The following SH3BP1 variants were observed in gnomAD, a reference collection of about 807,000 sequenced individuals.
SH3BP1 encodes the protein SH3 domain binding protein 1.
SH3BP1 carries 46 observed loss-of-function variants against 69.8 expected under a neutral mutation model. That is an observed-to-expected ratio of 0.66 (90% confidence interval 0.52 to 0.84). The LOEUF is 0.84. Among genes scored for constraint, SH3BP1 ranks in the 40% least tolerant of loss-of-function variants. The pLI is 0.00. For synonymous variants in SH3BP1, 403 were observed against 378.0 expected (o/e 1.07, Z -0.77); for missense variants, 868 against 930.9 (o/e 0.93, Z 0.88).
At chr22:37,644,293 C>A (rs1032590475) in intron 7 of SH3BP1, among the ~76,000 whole-genome samples, 1 of 152,178 alleles carries the variant, frequency 6.6e-6, no homozygotes, top group East Asian at 1.9e-4. Flanking sequence ...GCAGGAGAAT[C>A]GCTTGAGCCC....
At chr22:37,647,072 T>C in intron 11 of SH3BP1, 143 bp downstream of exon 11, 1 of 733,504 alleles carries the variant, frequency 1.4e-6, no homozygotes, top group Non-Finnish European at 2.2e-6. Context: ...GGGTCCATCA[T>C]GAGCCCCCCG....
Position 37,645,522 on chromosome 22 carries a change from T to G in SH3BP1, c.924+12T>G, listed in dbSNP as rs536125844. 1.9e-6 allele frequency: 3 copies of G among 1,600,308 alleles called. No individual in the cohort carries two copies. In the African/African-American group the frequency reaches 4.0e-5, roughly 21 times the overall value. ...GCATGAAGGAAGAGGTGGGGTCCCCTGGGGCAGGTGGGGAAGGAGCACTGG... is the reference window on the plus strand; with the variant it reads ...GCATGAAGGAAGAGGTGGGGTCCCCGGGGGCAGGTGGGGAAGGAGCACTGG... On this transcript the variant is annotated intron_variant, in intron 10 of 17. Transcript: ENST00000649765.
At chr22:37,655,189 G>A in intron 17 of SH3BP1, 83 bp from the exon 18 acceptor site, 1 of 1,001,548 alleles carries the variant, frequency 1.0e-6, no homozygotes, top group South Asian at 1.6e-5. Context: ...AGATGCAAAG[G>A]TTGTGAGGGG....
intron 3 of SH3BP1, chr22:37,641,704 G>A (rs1269618905): frequency 2.1e-5 from 11 of 529,158 alleles, no homozygotes; most frequent in Non-Finnish European, 3.3e-6. Context: ...GCCAAGGCCA[G>A]GCTTCTGACA....
Position 37,650,657 on chromosome 22 carries a change from CCCGGCT to C in SH3BP1, c.1545_1550del (p.Pro523_Ala524del), listed in dbSNP as rs758458806. On this transcript the variant is annotated inframe_deletion, in exon 16 of 18. Transcript: ENST00000649765. ...CTGCCGTGCCCACCCCAGCCACCAC[CCCGGCT>C]CCGGCTCCGGCTCCAGCTCCAGCTC... 53 of 1,613,614 alleles carry C rather than the reference CCCGGCT, an allele frequency of 3.3e-5. No homozygotes were observed. In the Middle Eastern group the frequency reaches 9.9e-4, roughly 30 times the overall value.
intron 6 of SH3BP1, 48 bp from the exon 7 acceptor site, chr22:37,643,596 G>C (rs757463006): frequency 1.4e-5 from 23 of 1,613,104 alleles, no homozygotes; most frequent in Middle Eastern, 1.6e-4. Context: ...ACTTGGCTCT[G>C]GACATGCAAC....
Position 37,656,084 on chromosome 22 carries a change from TAAAG to T in SH3BP1, c.*403_*406del, listed in dbSNP as rs778460884. ...ATAGTTTTATTTTCTGTCCTTGAAA[TAAAG>T]AAGCCAATTTTATAAAGGGGAAAAC... On this transcript the variant is annotated 3_prime_UTR_variant, in exon 18 of 18. Transcript: ENST00000649765. 34 of 1,300,900 alleles carry T rather than the reference TAAAG, an allele frequency of 2.6e-5. No homozygotes were observed. The highest frequency in any genetic ancestry group is 2.4e-4 in the East Asian group (5 of 20,490). 80.6% of individuals were successfully genotyped at this position (1,300,900 alleles called of 1,614,324 possible).
chr22:37,647,438 C>G lies in SH3BP1; in HGVS notation c.1119-3C>G, dbSNP rs372085876. ...GCTGACAGGTCTCTCCACTCCCCCC[C>G]AGCCTGAAGGAGCCAGGGGCCCGGC... is the stretch of plus-strand genomic sequence containing the variant. On this transcript the variant is annotated splice_polypyrimidine_tract_variant and splice_region_variant and intron_variant, in intron 12 of 17. Coordinates refer to ENST00000649765, the MANE Select transcript of SH3BP1 (RefSeq NM_018957.6). The G allele has an allele frequency of 5.6e-6, 9 of 1,612,292 alleles. No individual in the cohort carries two copies. The highest frequency in any genetic ancestry group is 7.6e-6 in the Non-Finnish European group (9 of 1,179,282).
chr22:37,645,247 G>A (rs1391022867), intron 9 of SH3BP1, 118 bp from the exon 10 acceptor site: 53 of 1,288,240 alleles, frequency 4.1e-5, no homozygotes, highest in African/African-American at 1.5e-5. Context: ...GATTTCAGAT[G>A]TGTGCCTGGA....
intron 2 of SH3BP1, 62 bp downstream of exon 2, chr22:37,641,230 G>C: frequency 2.6e-6 from 4 of 1,534,310 alleles, no homozygotes; most frequent in Non-Finnish European, 3.5e-6. Flanking sequence ...GGAGCAGAGG[G>C]CCGGGGCGGG....
Position 37,650,686 on chromosome 22 carries a change from C to T in SH3BP1, c.1559C>T (p.Ala520Val), listed in dbSNP as rs1569010552. ...GCTCCGGCTCCGGCTCCAGCTCCAG[C>T]TCCGGCCCCAGCCTTGGCTTCAGCA... Reference protein sequence around the residue: ...TPAPAPAPAPAPAPALASAAT... With the variant: ...TPAPAPAPAPVPAPALASAAT... The change falls in exon 16 of 18, where the codon GCT becomes GTT. Residue 520 changes from alanine (A) to valine (V), a missense_variant. Physicochemically the swap from Ala to Val is moderately conservative, Grantham distance 64. Transcript: ENST00000649765. 2 of 1,613,480 alleles carry T rather than the reference C, an allele frequency of 1.2e-6. No individual in the cohort carries two copies. The highest frequency in any genetic ancestry group is 8.5e-7 in the Non-Finnish European group (1 of 1,179,726).
intron 16 of SH3BP1, among the ~76,000 whole-genome samples, chr22:37,651,695 G>A (rs1932882755): frequency 6.6e-6 from 1 of 152,048 alleles, no homozygotes; most frequent in Admixed American, 6.6e-5. Flanking sequence ...TCCATACCAA[G>A]CAGCTACTAT....
chr22:37,650,847 A>C, intron 16 of SH3BP1, 122 bp downstream of exon 16: 1 of 1,299,172 alleles, frequency 7.7e-7, no homozygotes, highest in Non-Finnish European at 1.0e-6. Context: ...TTTCATCCCA[A>C]AGACCGGATC....
At chr22:37,653,268 C>CA (rs1048294720) in intron 16 of SH3BP1, among the ~76,000 whole-genome samples, 3 of 151,900 alleles carry the variant, frequency 2.0e-5, no homozygotes, top group African/African-American at 7.3e-5. Flanking sequence ...GTCTCTACTA[C>CA]AAAAAAACAA....
intron 6 of SH3BP1, chr22:37,643,442 A>T: frequency 1.4e-6 from 1 of 707,228 alleles, no homozygotes. Flanking sequence ...CCCTCTGTGG[A>T]GTGGCTGTGA....
In SH3BP1 at chr22:37,651,393, G is replaced by C. The variant is rs563181214; in HGVS notation, c.1598+668G>C. 4.7e-5 allele frequency among the ~76,000 whole-genome samples: 7 copies of C among 150,512 alleles called. No homozygotes were observed. The East Asian group carries it at 1.4e-3, about 30-fold the overall frequency. The stretch of plus-strand genomic sequence containing the variant: ...TCTGTTGCTTAGGCTGGAGTGCAAT[G>C]GCGAGATCTTGGCTCACTTGCAGCC... On this transcript the variant is annotated intron_variant, in intron 16 of 17. Coordinates refer to ENST00000649765, the MANE Select transcript of SH3BP1 (RefSeq NM_018957.6).
intron 17 of SH3BP1, 29 bp from the exon 18 acceptor site, chr22:37,655,243 G>A (rs1267544150): frequency 1.9e-6 from 3 of 1,543,806 alleles, no homozygotes; most frequent in Non-Finnish European, 2.6e-6. Context: ...TGGACACTCA[G>A]CCTCCCTCAC....
chr22:37,648,262 A>G (rs936955171), intron 13 of SH3BP1, 57 bp from the exon 14 acceptor site: 1 of 1,217,148 alleles, frequency 8.2e-7, no homozygotes, highest in Non-Finnish European at 1.2e-6. Flanking sequence ...CCTGGGCTGG[A>G]GAATTCTCAG....
At chr22:37,639,897 G>A (rs780097564) in intron 1 of SH3BP1, 51 bp downstream of exon 1, 12 of 1,411,904 alleles carry the variant, frequency 8.5e-6, no homozygotes, top group East Asian at 2.8e-5. Flanking sequence ...GGACTTGAGG[G>A]GTCGTAAAAG....
Sources: gnomAD v4.1 joint callset for allele counts (sites outside exome capture counted in the v4.1 genomes callset) on GRCh38, gnomAD v4.1.1 for gene constraint, MANE v1.5 for transcripts, NCBI Gene and HGNC (gene_info 2026-07-23, HGNC 2026-07-21) for gene names.